TNRC6B: variants seen among roughly 807,000 people sequenced by gnomAD.
TNRC6B encodes the protein trinucleotide repeat containing adaptor 6B, also known as trinucleotide repeat-containing gene 6B protein.
TNRC6B carries 52 observed loss-of-function variants against 203.6 expected under a neutral mutation model. The ratio of observed to expected loss-of-function variants is 0.26; its 90% CI spans 0.20 to 0.32. The LOEUF is 0.32. TNRC6B is among the 10% of genes least tolerant of loss of function. TNRC6B has a pLI of 1.00. For synonymous variants in TNRC6B, 838 were observed against 845.7 expected, an observed-to-expected ratio of 0.99 and a Z score of 0.16; for missense variants, 1,923 against 2,286.2, an observed-to-expected ratio of 0.84 and a Z score of 3.24.
At chr22:40,212,691 GAC>G (rs2069581271) in intron 1 of TNRC6B, among the ~76,000 whole-genome samples, 1 of 151,814 alleles carries the variant, frequency 6.6e-6, no homozygotes. Flanking sequence ...TATTTTTTGA[GAC>G]ACAGTCTCAC....
Position 40,323,282 on chromosome 22 carries a change from A to C in TNRC6B, c.*41A>C. 1 of 1,574,888 alleles carries C rather than the reference A, an allele frequency of 6.3e-7. No homozygotes were observed. Among genetic ancestry groups the C allele is most frequent in the Non-Finnish European group, 8.6e-7 (1 of 1,167,632 alleles). Reference sequence around the variant, plus strand: ...CTCTGACCTCGTGACCTTTTTTGGAACAGCAGCAGCACTAACTTGACCTTT... The same window carrying C: ...CTCTGACCTCGTGACCTTTTTTGGACCAGCAGCAGCACTAACTTGACCTTT... On this transcript the variant is annotated 3_prime_UTR_variant, in exon 23 of 23. Coordinates refer to ENST00000454349, the MANE Select transcript of TNRC6B (RefSeq NM_001162501.2).
In TNRC6B at chr22:40,266,292, G is replaced by C; in HGVS notation, c.2062G>C (p.Glu688Gln). ...ATGGGGGGAGCTCTCAGCCTCTACAGAGTGGAAAGACCCCAAGAACACAGG... is the reference window on the plus strand; with the variant it reads ...ATGGGGGGAGCTCTCAGCCTCTACACAGTGGAAAGACCCCAAGAACACAGG... ...SGWGELSAST[E>Q]WKDPKNTGGW... is the part of the protein sequence containing the mutation. Residue 688 changes from glutamate (E) to glutamine (Q), a missense_variant, in exon 5 of 23, where the codon GAG becomes CAG. By Grantham distance (29) the Glu-to-Gln change is conservative. This residue lies in a region of TNRC6B where 599 missense variants were observed against 656.5 expected (regional missense o/e 0.91). Coordinates refer to ENST00000454349, the MANE Select transcript of TNRC6B (RefSeq NM_001162501.2). 6.3e-7 allele frequency: 1 copy of C among 1,592,634 alleles called. No homozygotes were observed. Among genetic ancestry groups the C allele is most frequent in the African/African-American group, 1.3e-5 (1 of 74,542 alleles).
intron 2 of TNRC6B, among the ~76,000 whole-genome samples, chr22:40,250,102 T>C (rs1238405533): frequency 1.3e-5 from 2 of 152,208 alleles, no homozygotes; most frequent in Non-Finnish European, 2.9e-5. Context: ...ACTTCTTCTT[T>C]GCTATATGAA....
At chr22:40,107,022 G>A in intron 1 of TNRC6B, 2 of 1,066,190 alleles carry the variant, frequency 1.9e-6, no homozygotes, top group Non-Finnish European at 2.9e-6. Flanking sequence ...AAGGATTTCT[G>A]GCACAGCAGG....
At chr22:40,046,953 G>A (rs959991354) in intron 1 of TNRC6B, among the ~76,000 whole-genome samples, 10 of 152,028 alleles carry the variant, frequency 6.6e-5, no homozygotes, top group African/African-American at 2.4e-4. Flanking sequence ...CCTTAAAAAT[G>A]TTTTCAAGTC....
At chr22:40,053,160 T>TA (rs76520904) in intron 1 of TNRC6B, among the ~76,000 whole-genome samples, 3,604 of 135,426 alleles carry the variant, frequency 0.027, 50 homozygotes, top group Middle Eastern at 0.069. Flanking sequence ...AGATTTTCTT[T>TA]AAAAAAAAAA....
intron 12 of TNRC6B, among the ~76,000 whole-genome samples, chr22:40,298,637 G>T (rs1199289868): frequency 6.6e-6 from 1 of 152,234 alleles, no homozygotes; most frequent in Non-Finnish European, 1.5e-5. Context: ...GGTCAGAAAG[G>T]CTAAATGAGT....
At chr22:40,211,534 C>T (rs1422359906) in intron 1 of TNRC6B, among the ~76,000 whole-genome samples, 3 of 152,192 alleles carry the variant, frequency 2.0e-5, no homozygotes, top group Admixed American at 1.3e-4. Context: ...CACAAACTTA[C>T]TGTGGCTCTC....
intron 1 of TNRC6B, among the ~76,000 whole-genome samples, chr22:40,087,950 G>T (rs2068114425): frequency 6.6e-6 from 1 of 152,112 alleles, no homozygotes; most frequent in Non-Finnish European, 1.5e-5. Context: ...CCTGGGAGAT[G>T]CTGGGAACTC....
chr22:40,114,437 T>C (rs1464725587), intron 1 of TNRC6B, among the ~76,000 whole-genome samples: 1 of 152,132 alleles, frequency 6.6e-6, no homozygotes, highest in East Asian at 1.9e-4. Context: ...TCTCCTGCCT[T>C]AGCCTCTTTA....
intron 4 of TNRC6B, among the ~76,000 whole-genome samples, chr22:40,161,364 A>G (rs2068870102): frequency 6.6e-6 from 1 of 152,212 alleles, no homozygotes; most frequent in African/African-American, 2.4e-5. Context: ...TTTCACTTAC[A>G]GAGGCTGGTA....
intron 1 of TNRC6B, among the ~76,000 whole-genome samples, chr22:40,094,238 C>G (rs147583780): frequency 8.5e-5 from 13 of 152,072 alleles, no homozygotes; most frequent in African/African-American, 3.1e-4. Flanking sequence ...ATTGCTGTTA[C>G]CATATTTTAT....
intron 2 of TNRC6B, among the ~76,000 whole-genome samples, chr22:40,247,526 T>C (rs1299098706): frequency 6.6e-6 from 1 of 152,252 alleles, no homozygotes; most frequent in Non-Finnish European, 1.5e-5. Context: ...CCCTGCTATG[T>C]TAAATATATG....
intron 12 of TNRC6B, 145 bp downstream of exon 12, chr22:40,285,915 A>G (rs1226502831): frequency 7.4e-6 from 8 of 1,085,746 alleles, no homozygotes; most frequent in South Asian, 3.3e-5. Context: ...CCTTTTGGCT[A>G]AGATCAAGTA....
At chr22:40,103,455 T>C (rs540738326) in intron 1 of TNRC6B, among the ~76,000 whole-genome samples, 8 of 152,274 alleles carry the variant, frequency 5.3e-5, no homozygotes, top group African/African-American at 1.7e-4. Context: ...GCTGCTTTCA[T>C]TGAGCACAAT....
Position 40,324,161 on chromosome 22 carries a change from C to T in TNRC6B, c.*920C>T, listed in dbSNP as rs914265542. 1 of 152,614 alleles carries T rather than the reference C, an allele frequency of 6.6e-6. No homozygotes were observed. Among genetic ancestry groups the T allele is most frequent in the Admixed American group, 6.5e-5 (1 of 15,278 alleles). 9.5% of individuals were successfully genotyped at this position (152,614 alleles called of 1,614,324 possible). ...ATGATGAAAGCAGGGAGCTCCTTTC[C>T]ATTTGCAACTTAGCCTGAATGTGGG... On this transcript the variant is annotated 3_prime_UTR_variant, in exon 23 of 23. Coordinates refer to ENST00000454349, the MANE Select transcript of TNRC6B (RefSeq NM_001162501.2).
At chr22:40,167,803 A>C (rs1039705868) in intron 4 of TNRC6B, among the ~76,000 whole-genome samples, 3 of 151,490 alleles carry the variant, frequency 2.0e-5, no homozygotes, top group African/African-American at 7.3e-5. Flanking sequence ...GGATTGCTTG[A>C]ATCTGGCAGT....
Position 40,327,761 on chromosome 22 carries a change from C to T in TNRC6B, c.*4520C>T, listed in dbSNP as rs2071421565. On this transcript the variant is annotated 3_prime_UTR_variant, in exon 23 of 23. Coordinates refer to ENST00000454349, the MANE Select transcript of TNRC6B (RefSeq NM_001162501.2). ...GAGTGCCTTCTTCTCTTCTACCACACTCTGGCATAGATACAGGCTTGCTGG... is the reference window on the plus strand; with the variant it reads ...GAGTGCCTTCTTCTCTTCTACCACATTCTGGCATAGATACAGGCTTGCTGG... 6.6e-6 allele frequency: 1 copy of T among 152,212 alleles called. No homozygotes were observed. The highest frequency in any genetic ancestry group is 2.4e-5 in the African/African-American group (1 of 41,452). 9.4% of individuals were successfully genotyped at this position (152,212 alleles called of 1,614,324 possible).
At chr22:40,118,142 C>G (rs139734994) in intron 2 of TNRC6B, among the ~76,000 whole-genome samples, 1 of 152,184 alleles carries the variant, frequency 6.6e-6, no homozygotes, top group East Asian at 1.9e-4. Context: ...TCTCCCCAAC[C>G]CTTTGCTAGG....
Sources: allele counts gnomAD v4.1 joint callset (sites outside exome capture counted in the v4.1 genomes callset), GRCh38; gene constraint gnomAD v4.1.1; regional missense constraint gnomAD v4.1.1; transcripts MANE v1.5; gene names NCBI Gene and HGNC (gene_info 2026-07-23, HGNC 2026-07-21).